MMRN2: variants seen among roughly 807,000 people sequenced by gnomAD.
MMRN2 encodes multimerin 2.
A neutral mutation model predicts 68.8 loss-of-function variants in MMRN2; 53 were observed. That is an observed-to-expected ratio of 0.77 (90% confidence interval 0.62 to 0.97). The LOEUF (loss-of-function observed/expected upper bound fraction) is 0.97, where lower values mean the gene tolerates loss of function less well. Ranked by LOEUF, MMRN2 falls within the 50% of genes least tolerant of loss-of-function variation. The pLI is 0.00. For missense variants in MMRN2, 1,266 were observed against 1,259.5 expected, an observed-to-expected ratio of 1.01 and a Z score of -0.08; for synonymous variants, 564 against 551.6, an observed-to-expected ratio of 1.02 and a Z score of -0.32.
At chr10:86,956,501 G>A (rs1431296054) in intron 1 of MMRN2, among the ~76,000 whole-genome samples, 1 of 152,212 alleles carries the variant, frequency 6.6e-6, no homozygotes, top group African/African-American at 2.4e-5. Flanking sequence ...GTGGGGGCAG[G>A]AGGGTGGAGG....
At position 86,943,247 on chromosome 10, in the gene MMRN2, G is replaced by C. The variant is rs1166795049; in HGVS notation, c.1537C>G (p.Arg513Gly). The stretch of plus-strand genomic sequence containing the variant: ...CTCACCTGGGTCTCCTCCAGGGCAC[G>C]CGTGGCGTCCCTCTGGCCCTCCCGG... The part of the protein sequence containing the change: ...VIREGQRDAT[R>G]ALEETQVSLD... Residue 513 changes from arginine to glycine, a missense_variant, in exon 6 of 7, where the codon CGT becomes GGT. Coordinates refer to ENST00000372027, the MANE Select transcript of MMRN2 (RefSeq NM_024756.3). This position sits in a 1 kb window ranked among gnomAD's most constrained non-coding sequence, Gnocchi z 4.2. 6.2e-7 allele frequency: 1 copy of C among 1,612,716 alleles called. No homozygotes were observed.
intron 6 of MMRN2, among the ~76,000 whole-genome samples, chr10:86,939,625 G>GT (rs1843932019): frequency 6.6e-6 from 1 of 152,050 alleles, no homozygotes; most frequent in African/African-American, 2.4e-5. Flanking sequence ...CGTTCCGGCC[G>GT]TTCCGTCCGG....
chr10:86,942,413 G>C lies in MMRN2; in HGVS notation c.2371C>G (p.Pro791Ala), dbSNP rs760563856. The C allele has an allele frequency of 6.2e-7, 1 of 1,614,188 alleles. No individual in the cohort carries two copies. Among genetic ancestry groups the C allele is most frequent in the East Asian group, 2.2e-5 (1 of 44,870 alleles). The stretch of plus-strand genomic sequence containing the variant: ...GCTTCCTTCTTGTCCCTCTTCCGGG[G>C]AGCTTCCAGGTCTTTCTGCTGCTTC... Reference protein sequence around the residue: ...GKKQQKDLEAPRKRDKKEAEP... With the variant: ...GKKQQKDLEAARKRDKKEAEP... Residue 791 changes from proline to alanine, a missense_variant, in exon 6 of 7, where the codon CCC (proline) becomes GCC (alanine). By Grantham distance (27) the Pro-to-Ala change is conservative. Transcript: ENST00000372027.
rs577741712 is a variant in MMRN2 at position 86,952,752 on chromosome 10, CA to C, written c.164+4625del. 2.6e-5 allele frequency among the ~76,000 whole-genome samples: 4 copies of C among 152,254 alleles called. No individual in the cohort carries two copies. In the South Asian group the frequency reaches 8.3e-4, roughly 32 times the overall value. On this transcript the variant is annotated intron_variant, in intron 1 of 6. Transcript: ENST00000372027. ...TGGTTCCATGTATTGTCTTGATAAA[CA>C]TCTTAACAGAAAACAGGGTTTGAGA...
chr10:86,945,819 G>A, intron 1 of MMRN2, 130 bp from the exon 2 acceptor site: 11 of 1,515,340 alleles, frequency 7.3e-6, no homozygotes, highest in Non-Finnish European at 9.7e-6. Flanking sequence ...ATCCTGAGAA[G>A]AGAGCCTTCC....
chr10:86,951,559 C>T (rs540403893), intron 1 of MMRN2, among the ~76,000 whole-genome samples: 3 of 152,294 alleles, frequency 2.0e-5, no homozygotes, highest in Admixed American at 1.3e-4. Context: ...CAAAAGAAGT[C>T]AATGACAACA....
intron 6 of MMRN2, among the ~76,000 whole-genome samples, chr10:86,938,735 C>G (rs1418732537): frequency 6.6e-6 from 1 of 152,202 alleles, no homozygotes; most frequent in Non-Finnish European, 1.5e-5. Context: ...ACTTGGGTCC[C>G]GGAACTCAAG....
chr10:86,936,647 G>T lies in MMRN2; in HGVS notation c.*96C>A. On this transcript the variant is annotated 3_prime_UTR_variant, in exon 7 of 7. Transcript: ENST00000372027. ...GCAGAAGGTTTCCAGGGAAGAGACA[G>T]ACCAACTGAATGACCTCCAGCCCAT... is the stretch of plus-strand genomic sequence containing the variant. The T allele has an allele frequency of 6.8e-7, 1 of 1,468,182 alleles. No homozygotes were observed. The highest frequency in any genetic ancestry group is 1.3e-5 in the South Asian group (1 of 78,330). 90.9% of individuals were successfully genotyped at this position (1,468,182 alleles called of 1,614,324 possible). A position where few individuals can be genotyped will look rare whatever the true frequency, so the allele number is the denominator to read the frequency against.
chr10:86,941,641 T>C (rs1843968409), intron 6 of MMRN2, among the ~76,000 whole-genome samples: 1 of 150,796 alleles, frequency 6.6e-6, no homozygotes, highest in African/African-American at 2.4e-5. Flanking sequence ...CTACAAAAAG[T>C]ACAAAAATTA....
In MMRN2 at chr10:86,942,858, C is replaced by G. The variant is rs1351951388; in HGVS notation, c.1926G>C (p.Gln642His). ...GCTCCTGCAGCCCGCTAGCGGCGTC[C>G]TGCAGGGCCACGCGGATCTGCTCGT... ...LSYEQIRVAL[Q>H]DAASGLQEQA... Residue 642 changes from glutamine (Q) to histidine (H), a missense_variant, in exon 6 of 7, where the codon CAG (glutamine) becomes CAC (histidine). By Grantham distance (24) the Gln-to-His change is conservative (BLOSUM62 0). Transcript: ENST00000372027. The G allele has an allele frequency of 7.1e-7, 1 of 1,405,190 alleles. No homozygotes were observed. The highest frequency in any genetic ancestry group is 3.0e-5 in the East Asian group (1 of 33,476). 87.0% of individuals were successfully genotyped at this position (1,405,190 alleles called of 1,614,324 possible).
In MMRN2 at chr10:86,957,227, T is replaced by A. The variant is rs1311093050; in HGVS notation, c.164+151A>T. The A allele has an allele frequency of 7.4e-6, 6 of 806,126 alleles. No individual in the cohort carries two copies. In the African/African-American group the frequency reaches 8.5e-5, roughly 11 times the overall value. 49.9% of individuals were successfully genotyped at this position (806,126 alleles called of 1,614,324 possible). On this transcript the variant is annotated intron_variant, in intron 1 of 6. Coordinates refer to ENST00000372027, the MANE Select transcript of MMRN2 (RefSeq NM_024756.3). ...GGATCCTGAAACACCCAGTCCAGAC[T>A]ACTTTTTCAGCCTCACAGATGGCCC...
intron 1 of MMRN2, among the ~76,000 whole-genome samples, chr10:86,956,295 G>T (rs1844226903): frequency 6.6e-6 from 1 of 152,116 alleles, no homozygotes; most frequent in Non-Finnish European, 1.5e-5. Context: ...TCACTAAGGG[G>T]CCTCTTGCCC....
Position 86,943,453 on chromosome 10 carries a change from C to G in MMRN2, c.1331G>C (p.Arg444Pro). The G allele has an allele frequency of 1.2e-6, 2 of 1,614,102 alleles. No individual in the cohort carries two copies. Among genetic ancestry groups the G allele is most frequent in the Non-Finnish European group, 1.7e-6 (2 of 1,180,010 alleles). ...EELQVNHTAL[R>P]ELRVILMEKS... ...CTCCATCAGGATCACGCGCAGCTCA[C>G]GGAGCGCCGTGTGGTTCACCTGCAG... Residue 444 changes from arginine to proline, a missense_variant, in exon 6 of 7, where the codon CGT becomes CCT. Arg to Pro is a moderately radical substitution (Grantham distance 103). Coordinates refer to ENST00000372027, the MANE Select transcript of MMRN2 (RefSeq NM_024756.3). The surrounding 1 kb of genome is among the most constrained non-coding windows in gnomAD (Gnocchi z 4.2).
At chr10:86,957,263 A>T in intron 1 of MMRN2, 115 bp downstream of exon 1, 1 of 1,068,820 alleles carries the variant, frequency 9.4e-7, no homozygotes, top group Non-Finnish European at 1.4e-6. Flanking sequence ...AGAGATAGAT[A>T]CTATTAGCCC....
Position 86,943,681 on chromosome 10 carries a change from C to T in MMRN2, c.1103G>A (p.Ser368Asn). 6.2e-7 allele frequency: 1 copy of T among 1,611,244 alleles called. No individual in the cohort carries two copies. The highest frequency in any genetic ancestry group is 1.1e-5 in the South Asian group (1 of 91,086). ...CAGCTGGCCCAGCCTGGCCTGCAGG[C>T]TGTCCGGCTCAGGCCTTGCCCCAGC... ...PGAGARPEPD[S>N]LQARLGQLQR... is the part of the protein sequence containing the mutation. Residue 368 changes from serine to asparagine, a missense_variant, in exon 6 of 7, where the codon AGC (serine) becomes AAC (asparagine). Transcript: ENST00000372027. This position sits in a 1 kb window ranked among gnomAD's most constrained non-coding sequence, Gnocchi z 4.2.
At position 86,945,592 on chromosome 10, in the gene MMRN2, C is replaced by G; in HGVS notation, c.262G>C (p.Gly88Arg). 2.5e-6 allele frequency: 4 copies of G among 1,609,170 alleles called. No individual in the cohort carries two copies. The highest frequency in any genetic ancestry group is 3.4e-6 in the Non-Finnish European group (4 of 1,177,828). The change falls in exon 2 of 7, where the codon GGA becomes CGA. Residue 88 changes from glycine to arginine, a missense_variant. Gly to Arg is a moderately radical substitution (Grantham distance 125). Coordinates refer to ENST00000372027, the MANE Select transcript of MMRN2 (RefSeq NM_024756.3). ...TTGACTTTCTGGCAGTCTGGAGCTC[C>G]CTGCGGACACGGCTGCTGCGAGTGG... is the stretch of plus-strand genomic sequence containing the variant. Reference protein sequence around the residue: ...LIHSQQPCPQGAPDCQKVKVM... With the variant: ...LIHSQQPCPQRAPDCQKVKVM...
At chr10:86,950,029 T>G (rs1844125830) in intron 1 of MMRN2, among the ~76,000 whole-genome samples, 1 of 151,008 alleles carries the variant, frequency 6.6e-6, no homozygotes, top group Admixed American at 6.6e-5. Flanking sequence ...TAGTGAGACT[T>G]CATCTCTACA....
chr10:86,944,478 G>C, intron 4 of MMRN2, 43 bp from the exon 5 acceptor site: 1 of 1,600,806 alleles, frequency 6.2e-7, no homozygotes, highest in African/African-American at 1.3e-5. Flanking sequence ...TAACTCACCA[G>C]GCCTGGGAAG....
chr10:86,937,730 C>G (rs753387774), intron 6 of MMRN2, among the ~76,000 whole-genome samples: 1 of 152,164 alleles, frequency 6.6e-6, no homozygotes. Flanking sequence ...ACACGGGTCT[C>G]TGACTCCCAG....
Sources: allele counts gnomAD v4.1 joint callset (sites outside exome capture counted in the v4.1 genomes callset), GRCh38; gene constraint gnomAD v4.1.1; non-coding constraint Gnocchi (gnomAD v3.1); transcripts MANE v1.5; gene names NCBI Gene and HGNC (gene_info 2026-07-23, HGNC 2026-07-21).